NXPH1: variants seen among roughly 807,000 people sequenced by gnomAD.
NXPH1 encodes the protein neurexophilin 1, also known as neurexophilin-1.
NXPH1 carries 5 observed loss-of-function variants against 23.7 expected under a neutral mutation model. That is an observed-to-expected ratio of 0.21 (90% CI 0.11 to 0.44). The LOEUF is 0.44. Among genes scored for constraint, NXPH1 ranks in the 20% least tolerant of loss-of-function variants. The pLI, the probability that NXPH1 is intolerant of heterozygous loss-of-function variation, is 0.99. For missense variants in NXPH1, 324 were observed against 321.6 expected (o/e 1.01, Z -0.06); for synonymous variants, 144 against 122.2 (o/e 1.18, Z -1.18).
chr7:8,750,926 C>A, intron 2 of NXPH1, 82 bp from the exon 3 acceptor site: 1 of 1,339,248 alleles, frequency 7.5e-7, no homozygotes, highest in South Asian at 1.4e-5. Flanking sequence ...AATCCTGAGA[C>A]TCAGAGAAGG....
intron 2 of NXPH1, among the ~76,000 whole-genome samples, chr7:8,659,555 G>A (rs1820636745): frequency 1.3e-5 from 2 of 152,142 alleles, no homozygotes; most frequent in South Asian, 4.1e-4. Context: ...ACACAGGAAG[G>A]GGAACATCAC....
At chr7:8,639,597 C>T (rs1258476918) in intron 2 of NXPH1, among the ~76,000 whole-genome samples, 1 of 152,122 alleles carries the variant, frequency 6.6e-6, no homozygotes, top group African/African-American at 2.4e-5. Flanking sequence ...AAGTTATTGG[C>T]TACTTACCTA....
At chr7:8,511,591 A>G (rs1817612968) in intron 2 of NXPH1, among the ~76,000 whole-genome samples, 1 of 152,108 alleles carries the variant, frequency 6.6e-6, no homozygotes, top group Non-Finnish European at 1.5e-5. Flanking sequence ...CAAAAGAAGA[A>G]GCTGCACATT....
chr7:8,589,888 A>T (rs967249528), intron 2 of NXPH1, among the ~76,000 whole-genome samples: 3 of 152,018 alleles, frequency 2.0e-5, no homozygotes, highest in African/African-American at 7.2e-5. Context: ...GCCACAGGTG[A>T]CTCTTTAACT....
intron 2 of NXPH1, among the ~76,000 whole-genome samples, chr7:8,519,097 A>C (rs1817730291): frequency 6.6e-6 from 1 of 152,134 alleles, no homozygotes; most frequent in Admixed American, 6.6e-5. Context: ...TGAAGAATCA[A>C]GCTTCTGAGC....
chr7:8,544,143 T>C (rs1818160717), intron 2 of NXPH1, among the ~76,000 whole-genome samples: 1 of 151,694 alleles, frequency 6.6e-6, no homozygotes, highest in South Asian at 2.1e-4. Context: ...AGTGAGAAGA[T>C]TCAAACATGC....
intron 2 of NXPH1, among the ~76,000 whole-genome samples, chr7:8,582,710 C>T (rs1478434462): frequency 6.6e-6 from 1 of 152,064 alleles, no homozygotes; most frequent in African/African-American, 2.4e-5. Flanking sequence ...GGTCCATGGG[C>T]CCCACAGGTG....
At chr7:8,552,849 A>G (rs183650269) in intron 2 of NXPH1, among the ~76,000 whole-genome samples, 2 of 151,696 alleles carry the variant, frequency 1.3e-5, no homozygotes, top group Admixed American at 1.3e-4. Flanking sequence ...ACATTATGTA[A>G]TACATTTCAA....
chr7:8,488,415 A>G (rs1043594002), intron 2 of NXPH1, among the ~76,000 whole-genome samples: 10 of 152,160 alleles, frequency 6.6e-5, no homozygotes, highest in African/African-American at 2.2e-4. Flanking sequence ...TGACCATTTA[A>G]TAACTCTAGA....
chr7:8,571,109 C>T (rs1818638994), intron 2 of NXPH1, among the ~76,000 whole-genome samples: 1 of 151,626 alleles, frequency 6.6e-6, no homozygotes, highest in Non-Finnish European at 1.5e-5. Context: ...TTCCTGGTCC[C>T]ACTTAGAATT....
rs1004268912 is a variant in NXPH1, at chr7:8,459,650, A to G, written c.54+23883A>G. 1.4e-4 allele frequency among the ~76,000 whole-genome samples: 21 copies of G among 152,092 alleles called. 1 individual carries two copies. Among genetic ancestry groups the G allele is most frequent in the Admixed American group, 3.9e-4 (6 of 15,270 alleles). The stretch of plus-strand genomic sequence containing the variant: ...TGATTCCAGTCTACTAAACTTTTCC[A>G]CTGTGGGTCCTCAAGACTGAAAGAG... On this transcript the variant is annotated intron_variant, in intron 2 of 2. Coordinates refer to ENST00000405863, the MANE Select transcript of NXPH1 (RefSeq NM_152745.3).
intron 2 of NXPH1, among the ~76,000 whole-genome samples, chr7:8,639,148 A>C (rs918713213): frequency 8.5e-5 from 13 of 152,216 alleles, no homozygotes; most frequent in African/African-American, 3.1e-4. Flanking sequence ...AATCATATAA[A>C]CTAATAAGGA....
chr7:8,710,746 T>C (rs1015747827), intron 2 of NXPH1, among the ~76,000 whole-genome samples: 1 of 103,868 alleles, frequency 9.6e-6, no homozygotes, highest in Non-Finnish European at 1.7e-5. Flanking sequence ...CACTGCAAGC[T>C]CCGCTTCCCG....
chr7:8,692,896 C>T (rs145217803), intron 2 of NXPH1, among the ~76,000 whole-genome samples: 41 of 152,202 alleles, frequency 2.7e-4, no homozygotes, highest in African/African-American at 8.2e-4. Flanking sequence ...GGGATTTGAA[C>T]GAATCACCCT....
chr7:8,622,284 A>G (rs1819892495), intron 2 of NXPH1, among the ~76,000 whole-genome samples: 1 of 152,148 alleles, frequency 6.6e-6, no homozygotes, highest in Non-Finnish European at 1.5e-5. Context: ...GTGAATGAGG[A>G]TGTTGTTATT....
At chr7:8,496,316 C>T (rs1817336294) in intron 2 of NXPH1, among the ~76,000 whole-genome samples, 1 of 152,016 alleles carries the variant, frequency 6.6e-6, no homozygotes. Context: ...CAGGCATGTT[C>T]CTCTTTCCTT....
At chr7:8,484,966 T>C (rs746398735) in intron 2 of NXPH1, among the ~76,000 whole-genome samples, 6 of 152,184 alleles carry the variant, frequency 3.9e-5, no homozygotes, top group Non-Finnish European at 5.9e-5. Context: ...GGCACTGATA[T>C]GGTTTGGCTC....
Position 8,435,763 on chromosome 7 carries a change from A to T in NXPH1, c.50A>T (p.Tyr17Phe), listed in dbSNP as rs747801621. Residue 17 changes from tyrosine (Y) to phenylalanine (F), a missense_variant, in exon 2 of 3, where the codon TAC (tyrosine) becomes TTC (phenylalanine). By Grantham distance (22) the Tyr-to-Phe change is conservative. Transcript: ENST00000405863. This position sits in a 1 kb window ranked among gnomAD's most constrained non-coding sequence, Gnocchi z 5.9. Reference protein sequence around the residue: ...YVLFLLQPTVYLVTCANLTNG... With the variant: ...YVLFLLQPTVFLVTCANLTNG... ...CTTTTCCTCCTGCAGCCCACCGTCT[A>T]CTTGGTAAGTCTTGGAAGGTTCGGG... 4 of 1,613,780 alleles carry T rather than the reference A, an allele frequency of 2.5e-6. No individual in the cohort carries two copies. In the African/African-American group the frequency reaches 5.3e-5, roughly 22 times the overall value.
Position 8,531,511 on chromosome 7 carries a change from C to T in NXPH1, c.54+95744C>T, listed in dbSNP as rs189657434. Among the ~76,000 whole-genome samples, 253 of 152,268 alleles carry T rather than the reference C, an allele frequency of 1.7e-3. 1 individual carries two copies. Among genetic ancestry groups the T allele is most frequent in the African/African-American group, 5.9e-3 (247 of 41,568 alleles). On this transcript the variant is annotated intron_variant, in intron 2 of 2. Transcript: ENST00000405863. ...CACCCTATGTAACTAGAACTCCCTT[C>T]AGTTACTGTACTCTCTATTCTCTAT... is the stretch of plus-strand genomic sequence containing the variant.
Sources: allele counts gnomAD v4.1 joint callset (sites outside exome capture counted in the v4.1 genomes callset), GRCh38; gene constraint gnomAD v4.1.1; non-coding constraint Gnocchi (gnomAD v3.1); transcripts MANE v1.5; gene names NCBI Gene and HGNC (gene_info 2026-07-23, HGNC 2026-07-21).